The following TAGLN3 variants were observed in gnomAD, a reference collection of about 807,000 sequenced individuals.
The protein encoded by TAGLN3 is transgelin-3.
In TAGLN3, 12 loss-of-function variants were observed where a neutral mutation model predicts 25.4. That is an observed-to-expected ratio of 0.47 (90% CI 0.30 to 0.77). The LOEUF (loss-of-function observed/expected upper bound fraction) is 0.77. TAGLN3 is among the 30% of genes least tolerant of loss of function. TAGLN3 has a pLI of 0.06. For synonymous variants in TAGLN3, 96 were observed against 94.8 expected (o/e 1.01, Z -0.08); for missense variants, 218 against 255.8 (o/e 0.85, Z 1.01).
At position 111,999,542 on chromosome 3, in the gene TAGLN3, G is replaced by A; in HGVS notation, c.120G>A (p.Glu40=). Residue 40 remains glutamate (E), a synonymous_variant, in exon 2 of 5, where the codon GAG becomes GAA. Coordinates refer to ENST00000478951, the MANE Select transcript of TAGLN3 (RefSeq NM_001008272.2). Reference sequence around the variant, plus strand: ...ACTGGATCATCCTGCAGTGCGCCGAGGACATAGAGCACCCGCCCCCCGGCA... The same window carrying A: ...ACTGGATCATCCTGCAGTGCGCCGAAGACATAGAGCACCCGCCCCCCGGCA... ...LVDWIILQCA[E]DIEHPPPGRA... 1 of 1,614,174 alleles carries A rather than the reference G, an allele frequency of 6.2e-7. No individual in the cohort carries two copies. Among genetic ancestry groups the A allele is most frequent in the Non-Finnish European group, 8.5e-7 (1 of 1,180,032 alleles).
chr3:112,011,874 C>T lies in TAGLN3; in HGVS notation c.458+9C>T. 1.2e-6 allele frequency: 2 copies of T among 1,612,848 alleles called. No homozygotes were observed. Among genetic ancestry groups the T allele is most frequent in the Non-Finnish European group, 1.7e-6 (2 of 1,179,306 alleles). On this transcript the variant is annotated intron_variant, in intron 4 of 4. Transcript: ENST00000478951. The stretch of plus-strand genomic sequence containing the variant: ...CCATCCTGGTTTCACAGGTAAAAGC[C>T]TCTTCCTTGCCCCCTGGACCACAAG...
chr3:112,004,109 C>T (rs1351984981), intron 3 of TAGLN3, among the ~76,000 whole-genome samples: 8 of 152,178 alleles, frequency 5.3e-5, no homozygotes, highest in Non-Finnish European at 1.2e-4. Flanking sequence ...TGAAGTCCCC[C>T]TAGCAGGGAG....
At chr3:112,005,592 A>G (rs1388127690) in intron 3 of TAGLN3, among the ~76,000 whole-genome samples, 2 of 151,884 alleles carry the variant, frequency 1.3e-5, no homozygotes, top group Non-Finnish European at 1.5e-5. Context: ...AAGAGTGAAG[A>G]GGTATTTCAC....
At chr3:112,004,746 C>G (rs1250041547) in intron 3 of TAGLN3, among the ~76,000 whole-genome samples, 1 of 151,972 alleles carries the variant, frequency 6.6e-6, no homozygotes, top group Non-Finnish European at 1.5e-5. Flanking sequence ...ATTGGCTTGT[C>G]TTTTCTAAGA....
At chr3:111,999,992 G>C (rs1421764515) in intron 2 of TAGLN3, among the ~76,000 whole-genome samples, 2 of 152,302 alleles carry the variant, frequency 1.3e-5, no homozygotes, top group East Asian at 3.9e-4. Context: ...AAGGGAGGAG[G>C]GGGACTAGCC....
chr3:112,002,598 CAGA>C lies in TAGLN3; in HGVS notation c.355+1655_355+1657del, dbSNP rs199801732. ...GAAGATGACTCAGGACTGTGTAGGA[CAGA>C]AGGATAGGAGAGTCAGTGTGAATGG... On this transcript the variant is annotated intron_variant, in intron 3 of 4. Transcript: ENST00000478951. Among the ~76,000 whole-genome samples the C allele has an allele frequency of 8.8e-3, 1,338 of 151,572 alleles. 13 individuals carry two copies. The highest frequency in any genetic ancestry group is 0.029 in the African/African-American group (1,207 of 41,258).
chr3:112,010,157 TC>T (rs1559943942), intron 3 of TAGLN3, among the ~76,000 whole-genome samples: 1 of 151,994 alleles, frequency 6.6e-6, no homozygotes, highest in Non-Finnish European at 1.5e-5. Context: ...GGAGTCTAGT[TC>T]TATAGTTTAA....
chr3:111,999,558 C>A lies in TAGLN3; in HGVS notation c.136C>A (p.Pro46Thr), dbSNP rs761403948. The change falls in exon 2 of 5, where the codon CCC becomes ACC. Residue 46 changes from proline (P) to threonine (T), a missense_variant. Transcript: ENST00000478951. ...LQCAEDIEHP[P>T]PGRAHFQKWL... ...GTGCGCCGAGGACATAGAGCACCCG[C>A]CCCCCGGCAGGGCCCATTTTCAGAA... 2 of 1,613,974 alleles carry A rather than the reference C, an allele frequency of 1.2e-6. No homozygotes were observed. Among genetic ancestry groups the A allele is most frequent in the Admixed American group, 3.3e-5 (2 of 60,020 alleles).
intron 3 of TAGLN3, among the ~76,000 whole-genome samples, chr3:112,006,697 G>C (rs578064130): frequency 1.3e-5 from 2 of 152,292 alleles, no homozygotes; most frequent in South Asian, 4.1e-4. Context: ...TCCAATCCAA[G>C]TTGACACACC....
intron 3 of TAGLN3, among the ~76,000 whole-genome samples, chr3:112,001,779 C>G (rs1181812943): frequency 1.3e-5 from 2 of 152,170 alleles, no homozygotes; most frequent in Admixed American, 6.5e-5. Flanking sequence ...GTGGCCCAAC[C>G]AACAGGATCC....
At chr3:112,012,556 C>T (rs2072990719) in intron 4 of TAGLN3, among the ~76,000 whole-genome samples, 1 of 151,294 alleles carries the variant, frequency 6.6e-6, no homozygotes, top group Non-Finnish European at 1.5e-5. Flanking sequence ...TAGAAGAGTG[C>T]CCTGTGGCAA....
In TAGLN3 at chr3:112,011,822, A is replaced by G; in HGVS notation, c.415A>G (p.Lys139Glu). 6.2e-7 allele frequency: 1 copy of G among 1,614,000 alleles called. No individual in the cohort carries two copies. The highest frequency in any genetic ancestry group is 8.5e-7 in the Non-Finnish European group (1 of 1,179,914). The change falls in exon 4 of 5, where the codon AAG becomes GAG. Residue 139 changes from lysine to glutamate, a missense_variant. By Grantham distance (56) the Lys-to-Glu change is moderately conservative (BLOSUM62 1). Transcript: ENST00000478951. ...GGCTTTAGGCAGCGTTGCAGTCACC[A>G]AGGATGATGGCTGCTATCGGGGAGA... is the stretch of plus-strand genomic sequence containing the variant. ...LMALGSVAVT[K>E]DDGCYRGEPS...
At chr3:112,012,234 C>T (rs1576082330) in intron 4 of TAGLN3, among the ~76,000 whole-genome samples, 1 of 56,732 alleles carries the variant, frequency 1.8e-5, no homozygotes, top group Non-Finnish European at 4.2e-5. Flanking sequence ...CTCCCTCCCT[C>T]CCTCCCTCCC....
At chr3:111,999,366 A>C in intron 1 of TAGLN3, 55 bp from the exon 2 acceptor site, 7 of 1,581,366 alleles carry the variant, frequency 4.4e-6, no homozygotes, top group Non-Finnish European at 5.2e-6. Context: ...AGGGAGCCGG[A>C]GGCTGCTGCT....
intron 3 of TAGLN3, 40 bp downstream of exon 3, chr3:112,000,986 T>G: frequency 6.3e-7 from 1 of 1,587,598 alleles, no homozygotes; most frequent in Non-Finnish European, 8.6e-7. Context: ...TCTTTTCTTC[T>G]CTCCTTTGCC....
intron 3 of TAGLN3, among the ~76,000 whole-genome samples, chr3:112,003,082 G>A (rs774760): frequency 0.3 from 44,863 of 151,944 alleles, 7,100 homozygotes; most frequent in African/African-American, 0.4. Flanking sequence ...GGGCACCTGG[G>A]CTGACAGGTA....
At chr3:112,007,629 G>C (rs752906211) in intron 3 of TAGLN3, among the ~76,000 whole-genome samples, 5 of 152,196 alleles carry the variant, frequency 3.3e-5, no homozygotes, top group Non-Finnish European at 7.3e-5. Flanking sequence ...TTGGAAGAAT[G>C]GCCTGGAGCA....
In TAGLN3 at chr3:112,006,384, C is replaced by A. The variant is rs1192069083; in HGVS notation, c.356-5379C>A. On this transcript the variant is annotated intron_variant, in intron 3 of 4. Coordinates refer to ENST00000478951, the MANE Select transcript of TAGLN3 (RefSeq NM_001008272.2). ...GCAAGCAACAAACATTTACAAAATCCACAGAGCAAACCCAACCTCACCCCT... is the reference window on the plus strand; with the variant it reads ...GCAAGCAACAAACATTTACAAAATCAACAGAGCAAACCCAACCTCACCCCT... Among the ~76,000 whole-genome samples, 3 of 152,138 alleles carry A rather than the reference C, an allele frequency of 2.0e-5. No homozygotes were observed. The East Asian group carries it at 5.8e-4, about 29-fold the overall frequency.
chr3:112,004,860 C>T (rs116934925), intron 3 of TAGLN3, among the ~76,000 whole-genome samples: 36 of 151,910 alleles, frequency 2.4e-4, no homozygotes, highest in Admixed American at 3.9e-4. Context: ...GTTGCGGGGG[C>T]GGGGGAGGTT....
Sources: gnomAD v4.1 joint callset for allele counts (sites outside exome capture counted in the v4.1 genomes callset) on GRCh38, gnomAD v4.1.1 for gene constraint, MANE v1.5 for transcripts, NCBI Gene and HGNC (gene_info 2026-07-23, HGNC 2026-07-21) for gene names.